Variants in B3GALT1 observed in about 807,000 individuals in gnomAD.
B3GALT1 encodes the protein beta-1,3-galactosyltransferase 1.
In B3GALT1, 10 loss-of-function variants were observed where a neutral mutation model predicts 23.2. The observed-to-expected ratio is 0.43, with a 90% CI of 0.27 to 0.73. The LOEUF (loss-of-function observed/expected upper bound fraction) is 0.73, where lower values mean the gene tolerates loss of function less well. Ranked by LOEUF, B3GALT1 falls within the 30% of genes least tolerant of loss-of-function variation. B3GALT1 has a pLI of 0.21. For missense variants in B3GALT1, 299 were observed against 405.4 expected, an observed-to-expected ratio of 0.74 and a Z score of 2.25; for synonymous variants, 156 against 141.5, an observed-to-expected ratio of 1.10 and a Z score of -0.73.
At position 167,769,139 on chromosome 2, in the gene B3GALT1, C is replaced by T. The variant is rs1277865309; in HGVS notation, c.-351-49533C>T. Among the ~76,000 whole-genome samples the T allele has an allele frequency of 3.9e-5, 6 of 152,098 alleles. No homozygotes were observed. In the East Asian group the frequency reaches 1.2e-3, roughly 29 times the overall value. ...TGCATTCTCCCCTGGGTACCTGGTG[C>T]CCAGGGCCAAGCAATCTCTCTGGGG... On this transcript the variant is annotated intron_variant, in intron 3 of 4. Transcript: ENST00000392690.
intron 1 of B3GALT1, among the ~76,000 whole-genome samples, chr2:167,301,477 C>A (rs970912759): frequency 6.6e-6 from 1 of 152,268 alleles, no homozygotes; most frequent in Admixed American, 6.5e-5. Context: ...GTTTCATGAC[C>A]ATGCCTTAGT....
intron 1 of B3GALT1, among the ~76,000 whole-genome samples, chr2:167,416,462 A>G (rs1698472447): frequency 6.6e-6 from 1 of 152,258 alleles, no homozygotes; most frequent in Admixed American, 6.5e-5. Context: ...AGGATGCTGC[A>G]GAAAGCCTGG....
intron 3 of B3GALT1, among the ~76,000 whole-genome samples, chr2:167,804,487 C>G (rs1465555480): frequency 2.0e-5 from 3 of 152,002 alleles, no homozygotes; most frequent in African/African-American, 7.3e-5. Context: ...TTCTGCCCAC[C>G]CCAAAACAGG....
At chr2:167,711,287 G>A (rs1019375502) in intron 3 of B3GALT1, among the ~76,000 whole-genome samples, 1 of 152,038 alleles carries the variant, frequency 6.6e-6, no homozygotes, top group African/African-American at 2.4e-5. Context: ...TCACTCCTCT[G>A]TTTTATATTT....
chr2:167,531,849 T>G (rs1683331832), intron 2 of B3GALT1, among the ~76,000 whole-genome samples: 1 of 152,190 alleles, frequency 6.6e-6, no homozygotes, highest in Admixed American at 6.6e-5. Context: ...TTTAATTTAC[T>G]TAGCCATTTG....
chr2:167,401,134 C>A (rs1263907508), intron 1 of B3GALT1, among the ~76,000 whole-genome samples: 2 of 151,938 alleles, frequency 1.3e-5, no homozygotes, highest in African/African-American at 4.8e-5. Context: ...CTGGAAAAGC[C>A]TATGACAAAC....
chr2:167,324,639 C>G (rs982580416), intron 1 of B3GALT1, among the ~76,000 whole-genome samples: 2 of 152,028 alleles, frequency 1.3e-5, no homozygotes, highest in Non-Finnish European at 2.9e-5. Flanking sequence ...AATTTTGTTA[C>G]GTACATAGAT....
chr2:167,681,647 A>G (rs987696285), intron 3 of B3GALT1, among the ~76,000 whole-genome samples: 2 of 152,202 alleles, frequency 1.3e-5, no homozygotes, highest in Non-Finnish European at 2.9e-5. Context: ...GTTTCTCTAG[A>G]AGTTGTTTTA....
intron 2 of B3GALT1, among the ~76,000 whole-genome samples, chr2:167,570,655 A>G (rs1684275259): frequency 6.6e-6 from 1 of 151,986 alleles, no homozygotes; most frequent in Admixed American, 6.6e-5. Flanking sequence ...AAAAATAAAT[A>G]CAGAAAACTT....
chr2:167,512,532 G>GTATATATA (rs2054905715), intron 2 of B3GALT1, among the ~76,000 whole-genome samples: 4 of 118,160 alleles, frequency 3.4e-5, no homozygotes, highest in Non-Finnish European at 6.4e-5. Context: ...ATATGTGTGT[G>GTATATATA]TGTATATATA....
At chr2:167,742,440 T>C (rs569744683) in intron 3 of B3GALT1, among the ~76,000 whole-genome samples, 1 of 152,230 alleles carries the variant, frequency 6.6e-6, no homozygotes, top group Non-Finnish European at 1.5e-5. Context: ...AGGGAAGGCA[T>C]TGAAAGCTTA....
At chr2:167,298,773 A>G (rs1443581323) in intron 1 of B3GALT1, among the ~76,000 whole-genome samples, 1 of 152,056 alleles carries the variant, frequency 6.6e-6, no homozygotes, top group African/African-American at 2.4e-5. Context: ...AAATACCAAA[A>G]CTGTGTGCAG....
rs34276280 is a variant in B3GALT1, at chr2:167,863,990, ATGTG to A, written c.-229-4787_-229-4784del. On this transcript the variant is annotated intron_variant, in intron 4 of 4. Transcript: ENST00000392690. ...TGATTCTGTGTGCATGCATGTATGT[ATGTG>A]TGTGTGTGTGTGTGTGTGTGTGTGT... 5.8e-3 allele frequency among the ~76,000 whole-genome samples: 830 copies of A among 143,646 alleles called. 5 individuals carry two copies. Among genetic ancestry groups the A allele is most frequent in the African/African-American group, 9.7e-3 (375 of 38,802 alleles). The allele number at this position is 143,646 out of a possible 152,430, so 94.2% of individuals were successfully genotyped here.
chr2:167,455,868 T>C (rs553125672), intron 1 of B3GALT1, among the ~76,000 whole-genome samples: 2 of 152,298 alleles, frequency 1.3e-5, no homozygotes, highest in African/African-American at 4.8e-5. Context: ...TTAATAAATA[T>C]ACATCGAATT....
At chr2:167,632,555 G>GT (rs777556517) in intron 2 of B3GALT1, among the ~76,000 whole-genome samples, 228 of 151,472 alleles carry the variant, frequency 1.5e-3, no homozygotes, top group African/African-American at 5.3e-3. Flanking sequence ...GTGAGAATAA[G>GT]TTTTTTTTTC....
At chr2:167,472,700 G>C (rs1001871560) in intron 1 of B3GALT1, among the ~76,000 whole-genome samples, 1 of 151,958 alleles carries the variant, frequency 6.6e-6, no homozygotes, top group African/African-American at 2.4e-5. Context: ...CAGAGTCTTT[G>C]CCTCATCCTT....
chr2:167,490,140 C>T (rs1312166278), intron 1 of B3GALT1, 37 bp from the exon 2 acceptor site: 1 of 152,124 alleles, frequency 6.6e-6, no homozygotes, highest in Non-Finnish European at 1.5e-5. Context: ...AGCTGAAGTG[C>T]CTCCAAAGTT....
At chr2:167,382,017 C>T (rs16853534) in intron 1 of B3GALT1, among the ~76,000 whole-genome samples, 1,634 of 152,250 alleles carry the variant, frequency 0.011, 28 homozygotes, top group African/African-American at 0.036. Flanking sequence ...GTTGATGGTG[C>T]GAACCAAAGG....
intron 1 of B3GALT1, among the ~76,000 whole-genome samples, chr2:167,427,622 G>A (rs1299885612): frequency 2.0e-5 from 3 of 152,106 alleles, no homozygotes; most frequent in Non-Finnish European, 2.9e-5. Context: ...CTGCAGCCTC[G>A]AATCCCTGTG....
Sources: gnomAD v4.1 joint callset for allele counts (sites outside exome capture counted in the v4.1 genomes callset) on GRCh38, gnomAD v4.1.1 for gene constraint, MANE v1.5 for transcripts, NCBI Gene and HGNC (gene_info 2026-07-23, HGNC 2026-07-21) for gene names.